Variants in RXYLT1 observed in about 807,000 individuals in gnomAD.
The protein encoded by RXYLT1 is ribitol xylosyltransferase 1.
RXYLT1 carries 41 observed loss-of-function variants against 43.5 expected under a neutral mutation model. That is an observed-to-expected ratio of 0.94 (90% CI 0.73 to 1.22). The LOEUF (loss-of-function observed/expected upper bound fraction) is 1.22. Ranked by LOEUF, RXYLT1 falls within the 50% of genes most tolerant of loss-of-function variation. The pLI is 0.00. For missense variants in RXYLT1, 514 were observed against 532.0 expected (o/e 0.97, Z 0.33); for synonymous variants, 166 against 194.4 (o/e 0.85, Z 1.21).
At chr12:63,787,324 T>C (rs1897825845) in intron 3 of RXYLT1, among the ~76,000 whole-genome samples, 3 of 152,216 alleles carry the variant, frequency 2.0e-5, no homozygotes, top group Non-Finnish European at 2.9e-5. Flanking sequence ...TTGAAGCAAT[T>C]CAGTCACACC....
intron 3 of RXYLT1, among the ~76,000 whole-genome samples, chr12:63,794,183 T>C (rs558640737): frequency 1.3e-5 from 2 of 152,268 alleles, no homozygotes; most frequent in African/African-American, 2.4e-5. Flanking sequence ...CATCATAAGG[T>C]AGTCTATTCA....
intron 2 of RXYLT1, among the ~76,000 whole-genome samples, chr12:63,783,322 A>G (rs1333306363): frequency 6.6e-6 from 1 of 152,142 alleles, no homozygotes; most frequent in Admixed American, 6.5e-5. Flanking sequence ...TTAGCCAGAC[A>G]TTGTGGCACG....
chr12:63,802,494 G>A, intron 4 of RXYLT1, 89 bp downstream of exon 4: 4 of 1,306,042 alleles, frequency 3.1e-6, no homozygotes, highest in Non-Finnish European at 4.1e-6. Flanking sequence ...AATAAATTTA[G>A]TTCTTCTGGG....
chr12:63,808,802 G>A lies in RXYLT1; in HGVS notation c.1042G>A (p.Gly348Ser). 8.1e-6 allele frequency: 13 copies of A among 1,613,994 alleles called. No individual in the cohort carries two copies. Among genetic ancestry groups the A allele is most frequent in the Non-Finnish European group, 1.1e-5 (13 of 1,180,002 alleles). The change falls in exon 6 of 6, where the codon GGC becomes AGC. Residue 348 changes from glycine to serine, a missense_variant. Physicochemically the swap from Gly to Ser is moderately conservative, Grantham distance 56. Coordinates refer to ENST00000261234, the MANE Select transcript of RXYLT1 (RefSeq NM_014254.3). ...CYRIYEACSY[G>S]SIPVVEDVMT... Reference sequence around the variant, plus strand: ...TCGAATCTATGAGGCTTGCTCCTATGGCTCCATTCCTGTGGTGGAAGACGT... The same window carrying A: ...TCGAATCTATGAGGCTTGCTCCTATAGCTCCATTCCTGTGGTGGAAGACGT...
chr12:63,782,004 T>C (rs1897695379), intron 2 of RXYLT1, among the ~76,000 whole-genome samples: 1 of 152,234 alleles, frequency 6.6e-6, no homozygotes, highest in African/African-American at 2.4e-5. Context: ...AACCAGGCCT[T>C]CAATCATCAA....
intron 2 of RXYLT1, chr12:63,782,500 A>G (rs1245510413): frequency 4.4e-6 from 2 of 456,166 alleles, no homozygotes; most frequent in Non-Finnish European, 8.8e-6. Flanking sequence ...TTCAGAGCCC[A>G]TCAGCCTTCT....
intron 4 of RXYLT1, chr12:63,803,608 A>C (rs1898215864): frequency 6.6e-6 from 1 of 152,140 alleles, no homozygotes; most frequent in African/African-American, 2.4e-5. Context: ...ACCCTAACTC[A>C]GTAGGTTTGG....
At position 63,789,079 on chromosome 12, in the gene RXYLT1, C is replaced by CT. The variant is rs1897866338; in HGVS notation, c.428+4008dup. 2.0e-5 allele frequency among the ~76,000 whole-genome samples: 3 copies of CT among 152,154 alleles called. No individual in the cohort carries two copies. In the South Asian group the frequency reaches 6.2e-4, roughly 31 times the overall value. On this transcript the variant is annotated intron_variant, in intron 3 of 5. Coordinates refer to ENST00000261234, the MANE Select transcript of RXYLT1 (RefSeq NM_014254.3). Reference sequence around the variant, plus strand: ...TTACTGGCCCAACCAGAAACAGAAACTAAGAATCCATGCCTATATTCTCTC... The same window carrying CT: ...TTACTGGCCCAACCAGAAACAGAAACTTAAGAATCCATGCCTATATTCTCTC...
At position 63,781,946 on chromosome 12, in the gene RXYLT1, T is replaced by C. The variant is rs139649969; in HGVS notation, c.325+772T>C. On this transcript the variant is annotated intron_variant, in intron 2 of 5. Transcript: ENST00000261234. The stretch of plus-strand genomic sequence containing the variant: ...AAATTCGTTCATACTTACATACAAG[T>C]ATATATCCTAGAAGATTACTACCAA... Among the ~76,000 whole-genome samples the C allele has an allele frequency of 9.9e-3, 1,508 of 152,304 alleles. 11 individuals are homozygous for C. The highest frequency in any genetic ancestry group is 0.017 in the Non-Finnish European group (1,154 of 68,016).
intron 3 of RXYLT1, among the ~76,000 whole-genome samples, chr12:63,789,171 G>A (rs1267514749): frequency 6.6e-6 from 1 of 152,078 alleles, no homozygotes; most frequent in Non-Finnish European, 1.5e-5. Context: ...TTCATTATAG[G>A]GTTATTAATT....
intron 5 of RXYLT1, 97 bp downstream of exon 5, chr12:63,805,501 T>C (rs1032368227): frequency 3.4e-6 from 4 of 1,175,944 alleles, no homozygotes; most frequent in African/African-American, 1.6e-5. Flanking sequence ...TTGTTAACTC[T>C]ATTTGTACCA....
chr12:63,790,401 G>C (rs1441566511), intron 3 of RXYLT1: 1 of 152,200 alleles, frequency 6.6e-6, no homozygotes, highest in African/African-American at 2.4e-5. Context: ...ATGAATGCAT[G>C]AATACATACA....
rs1339871367 is a variant in RXYLT1 at position 63,809,164 on chromosome 12, G to A, written c.*72G>A. On this transcript the variant is annotated 3_prime_UTR_variant, in exon 6 of 6. Transcript: ENST00000261234. ...TGGGTGTATAAATGTGTTTGTGTGT[G>A]TATGTATTTATAGATGTTCTTTAAG... 1 of 1,110,246 alleles carries A rather than the reference G, an allele frequency of 9.0e-7. No homozygotes were observed. The highest frequency in any genetic ancestry group is 1.6e-5 in the African/African-American group (1 of 62,534). The allele number at this position is 1,110,246 out of a possible 1,614,324, so 68.8% of individuals were successfully genotyped here.
intron 4 of RXYLT1, among the ~76,000 whole-genome samples, chr12:63,803,526 A>T (rs973499299): frequency 6.6e-6 from 1 of 152,090 alleles, no homozygotes; most frequent in Non-Finnish European, 1.5e-5. Context: ...ACTGCTGCCT[A>T]GTTAGCGACA....
At chr12:63,783,514 A>G (rs746390509) in intron 2 of RXYLT1, among the ~76,000 whole-genome samples, 1 of 152,022 alleles carries the variant, frequency 6.6e-6, no homozygotes, top group African/African-American at 2.4e-5. Context: ...GATCATTTAG[A>G]TATCCTCTAA....
chr12:63,780,098 G>A lies in RXYLT1; in HGVS notation c.138G>A (p.Gly46=). Residue 46 remains glycine, a synonymous_variant, in exon 1 of 6, where the codon GGG becomes GGA. Transcript: ENST00000261234. ...PAGSPRGLRK[G]AAPARERRGR... is the part of the protein sequence containing the mutation. ...GGTCCCCGCGGGGCCTCAGGAAGGGGGCGGCCCCCGCGCGGGAGAGACGCG... is the reference window on the plus strand; with the variant it reads ...GGTCCCCGCGGGGCCTCAGGAAGGGAGCGGCCCCCGCGCGGGAGAGACGCG... 6.4e-7 allele frequency: 1 copy of A among 1,554,472 alleles called. No individual in the cohort carries two copies. The highest frequency in any genetic ancestry group is 8.7e-7 in the Non-Finnish European group (1 of 1,155,084).
chr12:63,794,299 C>T (rs1371716013), intron 3 of RXYLT1, among the ~76,000 whole-genome samples: 1 of 152,166 alleles, frequency 6.6e-6, no homozygotes, highest in Non-Finnish European at 1.5e-5. Flanking sequence ...GTTCATTACC[C>T]AAGGAAATGG....
chr12:63,808,880 C>T lies in RXYLT1; in HGVS notation c.1120C>T (p.Gln374Ter). 6.2e-7 allele frequency: 1 copy of T among 1,614,154 alleles called. No individual in the cohort carries two copies. Among genetic ancestry groups the T allele is most frequent in the Non-Finnish European group, 8.5e-7 (1 of 1,180,038 alleles). ...ATCTGTGCACCACGGTGCTCCTCTGCAGTTACTCAAGTCCATGGGTGCTCC... is the reference window on the plus strand; with the variant it reads ...ATCTGTGCACCACGGTGCTCCTCTGTAGTTACTCAAGTCCATGGGTGCTCC... ...NTSVHHGAPL[Q>*]LLKSMGAPFI... is the part of the protein sequence containing the mutation. Residue 374 changes from glutamine (Q) to a stop codon, truncating the protein, a stop_gained, in exon 6 of 6, where the codon CAG becomes TAG. Coordinates refer to ENST00000261234, the MANE Select transcript of RXYLT1 (RefSeq NM_014254.3). LOFTEE classifies it high-confidence loss of function.
intron 3 of RXYLT1, 112 bp downstream of exon 3, chr12:63,785,184 A>T (rs1207785859): frequency 1.6e-6 from 1 of 628,422 alleles, no homozygotes; most frequent in African/African-American, 1.8e-5. Context: ...AAATACTTCT[A>T]TTTCAACTTG....
Sources: gnomAD v4.1 joint callset for allele counts (sites outside exome capture counted in the v4.1 genomes callset) on GRCh38, gnomAD v4.1.1 for gene constraint, MANE v1.5 for transcripts, NCBI Gene and HGNC (gene_info 2026-07-23, HGNC 2026-07-21) for gene names.